Variants in COG5 observed in about 807,000 individuals in gnomAD.
The protein encoded by COG5 is conserved oligomeric Golgi complex subunit 5.
In COG5, 86 loss-of-function variants were observed where a neutral mutation model predicts 110.4. That is an observed-to-expected ratio of 0.78 (90% CI 0.65 to 0.93). The LOEUF is 0.93. Among genes scored for constraint, COG5 ranks in the 40% least tolerant of loss-of-function variants. The pLI is 0.00. For missense variants in COG5, 1,077 were observed against 987.0 expected, an observed-to-expected ratio of 1.09 and a Z score of -1.22; for synonymous variants, 360 against 334.6, an observed-to-expected ratio of 1.08 and a Z score of -0.83.
intron 7 of COG5, among the ~76,000 whole-genome samples, chr7:107,399,267 T>C (rs867333548): frequency 2.0e-5 from 3 of 152,124 alleles, no homozygotes; most frequent in African/African-American, 7.2e-5. Context: ...TAAAAGTGCA[T>C]GATAACAGAA....
chr7:107,245,619 C>G (rs1310246292), intron 17 of COG5, among the ~76,000 whole-genome samples: 1 of 151,884 alleles, frequency 6.6e-6, no homozygotes, highest in Non-Finnish European at 1.5e-5. Context: ...TCATAATTGT[C>G]AAAAAAGAAT....
chr7:107,336,164 A>C (rs1810681094), intron 10 of COG5, among the ~76,000 whole-genome samples: 1 of 152,246 alleles, frequency 6.6e-6, no homozygotes, highest in South Asian at 2.1e-4. Context: ...CTAATTGTCC[A>C]TCAAGGGATA....
At chr7:107,316,654 A>T (rs1052270557) in intron 11 of COG5, among the ~76,000 whole-genome samples, 10 of 136,922 alleles carry the variant, frequency 7.3e-5, no homozygotes, top group Non-Finnish European at 1.6e-4. Flanking sequence ...TCTACTAAAA[A>T]TACAAAAAAA....
chr7:107,488,453 A>G (rs1454911248), intron 6 of COG5, among the ~76,000 whole-genome samples: 1 of 152,168 alleles, frequency 6.6e-6, no homozygotes, highest in Admixed American at 6.6e-5. Flanking sequence ...TCTTTTATTT[A>G]TGAGCATACT....
chr7:107,446,427 C>T lies in COG5; in HGVS notation c.539-33795G>A, dbSNP rs545505822. Among the ~76,000 whole-genome samples the T allele has an allele frequency of 7.2e-5, 11 of 152,244 alleles. No homozygotes were observed. The South Asian group carries it at 2.1e-3, about 29-fold the overall frequency. ...TTGTCATCTTAGGCACACATACTTACGGTAACCAGCCTTCAACATGATCCC... is the reference window on the plus strand; with the variant it reads ...TTGTCATCTTAGGCACACATACTTATGGTAACCAGCCTTCAACATGATCCC... On this transcript the variant is annotated intron_variant, in intron 6 of 21. Transcript: ENST00000297135.
intron 11 of COG5, among the ~76,000 whole-genome samples, chr7:107,311,321 C>T (rs1016639108): frequency 7.0e-6 from 1 of 143,120 alleles, no homozygotes; most frequent in Non-Finnish European, 1.5e-5. Context: ...TAATGTCTCT[C>T]TGTACGTTCT....
chr7:107,432,989 G>A (rs1468245767), intron 6 of COG5, among the ~76,000 whole-genome samples: 1 of 151,996 alleles, frequency 6.6e-6, no homozygotes, highest in Admixed American at 6.6e-5. Flanking sequence ...CGAAGTTGTA[G>A]GATACAAAAT....
intron 12 of COG5, among the ~76,000 whole-genome samples, chr7:107,294,136 T>C (rs1806401036): frequency 2.6e-5 from 4 of 152,290 alleles, no homozygotes; most frequent in African/African-American, 9.6e-5. Context: ...CCCTGACTCA[T>C]ATTTAATTAC....
intron 8 of COG5, among the ~76,000 whole-genome samples, chr7:107,372,082 A>G (rs1157083836): frequency 2.0e-5 from 3 of 152,172 alleles, no homozygotes; most frequent in Admixed American, 6.5e-5. Flanking sequence ...CTCTACCTTG[A>G]ATTTACCATC....
At chr7:107,375,777 T>C (rs942634337) in intron 7 of COG5, among the ~76,000 whole-genome samples, 8 of 151,960 alleles carry the variant, frequency 5.3e-5, no homozygotes, top group African/African-American at 1.9e-4. Context: ...GTTCTCCCAC[T>C]CTTAATCAAG....
At chr7:107,347,816 G>A (rs1367118751) in intron 10 of COG5, among the ~76,000 whole-genome samples, 1 of 152,020 alleles carries the variant, frequency 6.6e-6, no homozygotes, top group East Asian at 1.9e-4. Flanking sequence ...GTACAATGCA[G>A]AAAATAAGCA....
rs1485136301 is a variant in COG5 at position 107,202,198 on chromosome 7, TCTC to T, written c.*1315_*1317del. Reference sequence around the variant, plus strand: ...GTATTTTTTAACTTCGTGTTCTGTATCTCCTCAGCCATGTATCTTAAATATATT... The same window carrying T: ...GTATTTTTTAACTTCGTGTTCTGTATCTCAGCCATGTATCTTAAATATATT... On this transcript the variant is annotated 3_prime_UTR_variant, in exon 22 of 22. Coordinates refer to ENST00000297135, the MANE Select transcript of COG5 (RefSeq NM_006348.5). 6.6e-6 allele frequency: 1 copy of T among 152,646 alleles called. No homozygotes were observed. The highest frequency in any genetic ancestry group is 1.5e-5 in the Non-Finnish European group (1 of 68,038). The allele number at this position is 152,646 out of a possible 1,614,324, so 9.5% of individuals were successfully genotyped here.
At position 107,236,550 on chromosome 7, in the gene COG5, G is replaced by A; in HGVS notation, c.1991C>T (p.Ala664Val). ...CLDFVFDNTEAIAQRAVELFI... is the reference protein window; with the variant it reads ...CLDFVFDNTEVIAQRAVELFI... ...AAGTTCAACAGCTCTTTGGGCAATA[G>A]CCTCAGTGTTGTCAAAGACAAAATC... The change falls in exon 18 of 22, where the codon GCT becomes GTT. Residue 664 changes from alanine to valine, a missense_variant. By Grantham distance (64) the Ala-to-Val change is moderately conservative. Coordinates refer to ENST00000297135, the MANE Select transcript of COG5 (RefSeq NM_006348.5). The A allele has an allele frequency of 6.2e-7, 1 of 1,614,062 alleles. No individual in the cohort carries two copies. The highest frequency in any genetic ancestry group is 8.5e-7 in the Non-Finnish European group (1 of 1,179,954).
intron 6 of COG5, among the ~76,000 whole-genome samples, chr7:107,451,181 G>A (rs1795311922): frequency 6.6e-6 from 1 of 152,190 alleles, no homozygotes; most frequent in Non-Finnish European, 1.5e-5. Context: ...GGATCCAGAT[G>A]TTGTGCATGA....
Position 107,362,038 on chromosome 7 carries a change from C to G in COG5, c.1021G>C (p.Val341Leu). ...VSHICFIEEI[V>L]KDGQPEIFYT... Reference sequence around the variant, plus strand: ...ATATTTTCCTTTAAACATACCTTAACTATTTCTTCAATGAAACAAATGTGA... The same window carrying G: ...ATATTTTCCTTTAAACATACCTTAAGTATTTCTTCAATGAAACAAATGTGA... The change falls in exon 10 of 22, where the codon GTT becomes CTT. Residue 341 changes from valine to leucine, a missense_variant. Val to Leu is a conservative substitution (Grantham distance 32). Coordinates refer to ENST00000297135, the MANE Select transcript of COG5 (RefSeq NM_006348.5). The G allele has an allele frequency of 6.3e-7, 1 of 1,594,322 alleles. No homozygotes were observed. The highest frequency in any genetic ancestry group is 8.6e-7 in the Non-Finnish European group (1 of 1,163,604).
intron 1 of COG5, among the ~76,000 whole-genome samples, chr7:107,560,464 C>G (rs938354725): frequency 1.3e-5 from 2 of 152,110 alleles, no homozygotes; most frequent in African/African-American, 2.4e-5. Context: ...AACAAGGATT[C>G]CCAAATTTCT....
chr7:107,370,696 G>A (rs909295906), intron 8 of COG5, among the ~76,000 whole-genome samples: 12 of 149,840 alleles, frequency 8.0e-5, no homozygotes, highest in African/African-American at 2.5e-4. Context: ...TGAGACAGGC[G>A]AATTGCTTAA....
At position 107,544,400 on chromosome 7, in the gene COG5, T is replaced by C. The variant is rs558964709; in HGVS notation, c.417+3711A>G. On this transcript the variant is annotated intron_variant, in intron 5 of 21. Transcript: ENST00000297135. ...CAGCTCTTGTGGACTAGGGCCCTAA[T>C]AGTCAACGTGTCCACTCCACAAGGG... 2.6e-5 allele frequency among the ~76,000 whole-genome samples: 4 copies of C among 152,286 alleles called. No homozygotes were observed. In the South Asian group the frequency reaches 6.2e-4, roughly 24 times the overall value.
chr7:107,515,534 T>C (rs1408331721), intron 6 of COG5, among the ~76,000 whole-genome samples: 1 of 152,186 alleles, frequency 6.6e-6, no homozygotes. Context: ...TGAGTTGTCA[T>C]TATGGTGTAT....
Sources: allele counts gnomAD v4.1 joint callset (sites outside exome capture counted in the v4.1 genomes callset), GRCh38; gene constraint gnomAD v4.1.1; transcripts MANE v1.5; gene names NCBI Gene and HGNC (gene_info 2026-07-23, HGNC 2026-07-21).